ERICH1: variants seen among roughly 807,000 people sequenced by gnomAD.
ERICH1 encodes the protein glutamate-rich protein 1.
ERICH1 carries 56 observed loss-of-function variants against 39.6 expected under a neutral mutation model. That is an observed-to-expected ratio of 1.41 (90% confidence interval 1.14 to 1.77). The LOEUF is 1.77. ERICH1 is among the 40% of genes most tolerant of loss of function. ERICH1 has a pLI of 0.00. For missense variants in ERICH1, 826 were observed against 575.4 expected, an observed-to-expected ratio of 1.44 and a Z score of -4.45; for synonymous variants, 313 against 223.6, an observed-to-expected ratio of 1.40 and a Z score of -3.57.
chr8:638,302 A>T (rs753675104), intron 3 of ERICH1, among the ~76,000 whole-genome samples: 1 of 152,170 alleles, frequency 6.6e-6, no homozygotes, highest in Non-Finnish European at 1.5e-5. Context: ...CTGGGGCTCG[A>T]TGGGAAGCTC....
intron 3 of ERICH1, among the ~76,000 whole-genome samples, chr8:617,525 A>C (rs913515111): frequency 1.3e-5 from 2 of 151,942 alleles, no homozygotes; most frequent in African/African-American, 4.8e-5. Flanking sequence ...TGCTTGGTCC[A>C]TCCTCACTGC....
chr8:618,405 A>G (rs758373717), intron 3 of ERICH1, among the ~76,000 whole-genome samples: 14 of 137,398 alleles, frequency 1.0e-4, no homozygotes, highest in Non-Finnish European at 2.2e-4. Flanking sequence ...TTGGTCCACC[A>G]TCACTGCCCT....
At chr8:617,823 T>C (rs1278912384) in intron 3 of ERICH1, among the ~76,000 whole-genome samples, 1 of 149,820 alleles carries the variant, frequency 6.7e-6, no homozygotes, top group Non-Finnish European at 1.5e-5. Flanking sequence ...TACTCAGTGT[T>C]CCATCTGTCC....
chr8:691,497 C>T (rs1808908392), intron 3 of ERICH1, among the ~76,000 whole-genome samples: 2 of 152,202 alleles, frequency 1.3e-5, no homozygotes, highest in African/African-American at 2.4e-5. Flanking sequence ...ACAGGAAGGG[C>T]GTGAGTGAGG....
At chr8:725,577 G>A (rs188706207) in intron 1 of ERICH1, among the ~76,000 whole-genome samples, 13 of 152,236 alleles carry the variant, frequency 8.5e-5, no homozygotes, top group Middle Eastern at 3.4e-3. Context: ...CACCAAGCAC[G>A]ACTCTCTCCC....
intron 1 of ERICH1, among the ~76,000 whole-genome samples, chr8:723,469 C>G (rs540327806): frequency 6.6e-6 from 1 of 152,290 alleles, no homozygotes; most frequent in Admixed American, 6.5e-5. Flanking sequence ...CCATGGCCAG[C>G]TTGGAGGTGC....
downstream of ERICH1, among the ~76,000 whole-genome samples, chr8:663,523 G>C (rs903545027): frequency 4.0e-5 from 6 of 149,856 alleles, no homozygotes; most frequent in African/African-American, 1.5e-4. Context: ...CTCACAGGCG[G>C]GACAGGCGGG....
intron 3 of ERICH1, chr8:627,275 T>C (rs539137022): frequency 6.6e-6 from 3 of 454,770 alleles, no homozygotes; most frequent in East Asian, 7.0e-5. Context: ...CCTTACAGGA[T>C]TGAAAAGGGG....
In ERICH1 at chr8:706,729, CA is replaced by C. The variant is rs545881434; in HGVS notation, c.169+9131del. On this transcript the variant is annotated intron_variant, in intron 2 of 5. Transcript: ENST00000262109. ...AGGTTGTGGTGAGCCAAGATCATGCCATTGTACTCTAGCCTGGGCAACAAGA... is the reference window on the plus strand; with the variant it reads ...AGGTTGTGGTGAGCCAAGATCATGCCTTGTACTCTAGCCTGGGCAACAAGA... Among the ~76,000 whole-genome samples, 134 of 152,244 alleles carry C rather than the reference CA, an allele frequency of 8.8e-4. 1 individual carries two copies. In the South Asian group the frequency reaches 0.026, roughly 30 times the overall value.
rs749572235 is a variant in ERICH1 at position 715,971 on chromosome 8, G to T, written c.59C>A (p.Pro20His). 1 of 1,613,052 alleles carries T rather than the reference G, an allele frequency of 6.2e-7. No individual in the cohort carries two copies. Among genetic ancestry groups the T allele is most frequent in the Non-Finnish European group, 8.5e-7 (1 of 1,179,742 alleles). ...VEKVLQRLFP[P>H]VPSGQGKREP... ...CCTCTTTCCTTGGCCACTTGGAACA[G>T]GAGGAAAAAGTCTCTGCAGCACCTT... The change falls in exon 2 of 6, where the codon CCT becomes CAT. Residue 20 changes from proline (P) to histidine (H), a missense_variant. Physicochemically the swap from Pro to His is moderately conservative, Grantham distance 77. Coordinates refer to ENST00000262109, the MANE Select transcript of ERICH1 (RefSeq NM_207332.3).
At chr8:726,531 T>C (rs1465316208) in intron 1 of ERICH1, among the ~76,000 whole-genome samples, 1 of 149,542 alleles carries the variant, frequency 6.7e-6, no homozygotes, top group East Asian at 2.0e-4. Flanking sequence ...GACACTCATG[T>C]ACACACACAC....
At chr8:625,551 G>A (rs1170661777) in intron 3 of ERICH1, 1 of 152,242 alleles carries the variant, frequency 6.6e-6, no homozygotes, top group Non-Finnish European at 1.5e-5. Context: ...ATTCATCGTA[G>A]TGAGGATTGT....
intron 2 of ERICH1, among the ~76,000 whole-genome samples, chr8:699,410 C>T (rs1024292516): frequency 2.0e-5 from 3 of 152,120 alleles, no homozygotes; most frequent in Admixed American, 1.3e-4. Context: ...TGTATCAATG[C>T]GAGGCCACAA....
intron 3 of ERICH1, 101 bp from the exon 4 acceptor site, chr8:674,148 G>T: frequency 7.4e-7 from 1 of 1,343,762 alleles, no homozygotes; most frequent in Non-Finnish European, 9.9e-7. Flanking sequence ...AGTTTTAGTA[G>T]AAAAAGAGTT....
At chr8:671,032 C>T (rs1169836340) in intron 4 of ERICH1, among the ~76,000 whole-genome samples, 5 of 151,438 alleles carry the variant, frequency 3.3e-5, no homozygotes, top group African/African-American at 1.2e-4. Context: ...GGCCCCTGCT[C>T]CAACACCTGA....
intron 2 of ERICH1, among the ~76,000 whole-genome samples, chr8:709,756 A>C (rs1347365582): frequency 6.6e-6 from 1 of 152,200 alleles, no homozygotes. Flanking sequence ...TTAGGCAAGA[A>C]AATATATATC....
chr8:651,923 G>C (rs1343927581), intron 3 of ERICH1, among the ~76,000 whole-genome samples: 2 of 152,176 alleles, frequency 1.3e-5, no homozygotes, highest in African/African-American at 4.8e-5. Flanking sequence ...CTTTTTCACA[G>C]AATGCTTGGT....
At chr8:660,363 C>T (rs1295468811), downstream of ERICH1, among the ~76,000 whole-genome samples, 1 of 152,356 alleles carries the variant, frequency 6.6e-6, no homozygotes, top group East Asian at 1.9e-4. Flanking sequence ...AAGAGGTTCT[C>T]CATACCAGAA....
In ERICH1 at chr8:708,700, T is replaced by TTTTTTTTTTC. The variant is rs1354530856; in HGVS notation, c.169+7160_169+7161insGAAAAAAAAA. Among the ~76,000 whole-genome samples, 303 of 136,066 alleles carry TTTTTTTTTTC rather than the reference T, an allele frequency of 2.2e-3. 12 individuals carry two copies. The highest frequency in any genetic ancestry group is 3.8e-3 in the Non-Finnish European group (240 of 62,828). 89.3% of individuals were successfully genotyped at this position (136,066 alleles called of 152,430 possible). ...TAATGAGTTTTTTTTTTTTTTTTTT[T>TTTTTTTTTTC]TTTTTTTTTTTGAGACAGGGTCTCA... On this transcript the variant is annotated intron_variant, in intron 2 of 5. Coordinates refer to ENST00000262109, the MANE Select transcript of ERICH1 (RefSeq NM_207332.3).
Sources: gnomAD v4.1 joint callset for allele counts (sites outside exome capture counted in the v4.1 genomes callset) on GRCh38, gnomAD v4.1.1 for gene constraint, MANE v1.5 for transcripts, NCBI Gene and HGNC (gene_info 2026-07-23, HGNC 2026-07-21) for gene names.